Variants in SMAD9 observed in about 807,000 individuals in gnomAD.
The protein encoded by SMAD9 is MAD homolog 9.
A neutral mutation model predicts 46.1 loss-of-function variants in SMAD9; 36 were observed. The observed-to-expected ratio is 0.78, with a 90% CI of 0.60 to 1.03. The LOEUF is 1.03. SMAD9 is among the 50% of genes least tolerant of loss of function. SMAD9 has a pLI of 0.00. For missense variants in SMAD9, 572 were observed against 599.8 expected, an observed-to-expected ratio of 0.95 and a Z score of 0.48; for synonymous variants, 245 against 237.1, an observed-to-expected ratio of 1.03 and a Z score of -0.31.
At chr13:36,870,061 C>T (rs2058275960) in intron 3 of SMAD9, among the ~76,000 whole-genome samples, 1 of 152,134 alleles carries the variant, frequency 6.6e-6, no homozygotes, top group East Asian at 1.9e-4. Flanking sequence ...TGGCATTTTG[C>T]TGTTAATCAT....
intron 5 of SMAD9, among the ~76,000 whole-genome samples, chr13:36,860,177 CAT>C (rs2058166915): frequency 6.6e-6 from 1 of 152,168 alleles, no homozygotes; most frequent in South Asian, 2.1e-4. Context: ...TTTCCGGTAA[CAT>C]CTCTGCAAGG....
chr13:36,904,520 T>C (rs965598370), intron 1 of SMAD9, among the ~76,000 whole-genome samples: 2 of 152,190 alleles, frequency 1.3e-5, no homozygotes, highest in African/African-American at 4.8e-5. Context: ...TGCCACCTGC[T>C]TGGTCTTCAA....
At chr13:36,856,203 G>A (rs954618824) in intron 5 of SMAD9, among the ~76,000 whole-genome samples, 1 of 152,120 alleles carries the variant, frequency 6.6e-6, no homozygotes, top group East Asian at 1.9e-4. Flanking sequence ...GAGGGTGGGC[G>A]GAGGTTTTTT....
Position 36,848,448 on chromosome 13 carries a change from T to C in SMAD9, c.*228A>G. The C allele has an allele frequency of 1.8e-6, 1 of 562,168 alleles. No individual in the cohort carries two copies. The highest frequency in any genetic ancestry group is 2.1e-5 in the South Asian group (1 of 48,512). The allele number at this position is 562,168 out of a possible 1,614,324, so 34.8% of individuals were successfully genotyped here. ...CTCTCAAGTGTTTCCTCCCACAAAA[T>C]CTGCTGCTTATAGCACAGGCACCAA... is the stretch of plus-strand genomic sequence containing the variant. On this transcript the variant is annotated 3_prime_UTR_variant, in exon 7 of 7. Transcript: ENST00000379826.
At chr13:36,911,918 G>A (rs2058665216) in intron 1 of SMAD9, among the ~76,000 whole-genome samples, 1 of 152,114 alleles carries the variant, frequency 6.6e-6, no homozygotes, top group Non-Finnish European at 1.5e-5. Context: ...ATGTTGGTCA[G>A]GCTGGTCTTG....
At chr13:36,855,842 CTGAGCCAGGG>C (rs1242631661) in intron 5 of SMAD9, among the ~76,000 whole-genome samples, 3 of 152,208 alleles carry the variant, frequency 2.0e-5, no homozygotes, top group Admixed American at 1.3e-4. Context: ...TCTGAAGAAA[CTGAGCCAGGG>C]TCGCACAGCT....
chr13:36,873,218 A>C (rs1225778987), intron 2 of SMAD9, among the ~76,000 whole-genome samples: 2 of 152,180 alleles, frequency 1.3e-5, no homozygotes, highest in East Asian at 3.9e-4. Context: ...CAGCACTCTA[A>C]AGAGACCTGC....
chr13:36,857,521 G>A (rs192535054), intron 5 of SMAD9, among the ~76,000 whole-genome samples: 12 of 152,268 alleles, frequency 7.9e-5, no homozygotes, highest in Non-Finnish European at 1.8e-4. Context: ...GTCCTGTGTT[G>A]TGGTTAATGA....
intron 1 of SMAD9, among the ~76,000 whole-genome samples, chr13:36,880,647 C>A (rs932058545): frequency 6.6e-6 from 1 of 152,128 alleles, no homozygotes; most frequent in African/African-American, 2.4e-5. Context: ...CTCTCTTTTC[C>A]AATTACTTAT....
At chr13:36,861,236 A>T (rs2058178695) in intron 5 of SMAD9, among the ~76,000 whole-genome samples, 1 of 152,206 alleles carries the variant, frequency 6.6e-6, no homozygotes, top group African/African-American at 2.4e-5. Context: ...TTAAGTCACA[A>T]GGAATAAAAG....
chr13:36,910,996 GTAT>G (rs2058656644), intron 1 of SMAD9, among the ~76,000 whole-genome samples: 1 of 152,044 alleles, frequency 6.6e-6, no homozygotes, highest in African/African-American at 2.4e-5. Flanking sequence ...ATTAACTATT[GTAT>G]TATTAATATT....
Position 36,879,863 on chromosome 13 carries a change from A to G in SMAD9, c.-174T>C, listed in dbSNP as rs1245810577. On this transcript the variant is annotated 5_prime_UTR_variant, in exon 2 of 7. Transcript: ENST00000379826. ...TTGACTTTCTCCTAAGCCCTTGAAC[A>G]GGGTGGCCAACTCTGGAAAACACGA... is the stretch of plus-strand genomic sequence containing the variant. 3.1e-6 allele frequency: 2 copies of G among 645,256 alleles called. No individual in the cohort carries two copies. The highest frequency in any genetic ancestry group is 1.8e-5 in the African/African-American group (1 of 54,962). 40.0% of individuals were successfully genotyped at this position (645,256 alleles called of 1,614,324 possible). A position where few individuals can be genotyped will look rare whatever the true frequency, so the allele number is the denominator to read the frequency against.
In SMAD9 at chr13:36,902,985, G is replaced by A. The variant is rs114496535; in HGVS notation, c.-187+17131C>T. Among the ~76,000 whole-genome samples, 737 of 152,268 alleles carry A rather than the reference G, an allele frequency of 4.8e-3. 5 individuals are homozygous for A. Among genetic ancestry groups the A allele is most frequent in the African/African-American group, 0.016 (679 of 41,552 alleles). On this transcript the variant is annotated intron_variant, in intron 1 of 6. Coordinates refer to ENST00000379826, the MANE Select transcript of SMAD9 (RefSeq NM_001127217.3). ...AGTCATCCACAGCTGAAATAAGCGT[G>A]AGGATGGGAGTATAAGAAGCGTGGA... is the stretch of plus-strand genomic sequence containing the variant.
intron 3 of SMAD9, 119 bp downstream of exon 3, chr13:36,872,539 T>TA (rs1457666183): frequency 8.3e-7 from 1 of 1,206,586 alleles, no homozygotes; most frequent in South Asian, 1.3e-5. Flanking sequence ...GATTGCTTTG[T>TA]AAACTGTTTA....
intron 1 of SMAD9, among the ~76,000 whole-genome samples, chr13:36,881,689 A>G (rs1336544202): frequency 2.0e-5 from 3 of 152,218 alleles, no homozygotes; most frequent in Non-Finnish European, 4.4e-5. Context: ...ACTTACACTC[A>G]GTTTTATTTG....
chr13:36,879,664 G>A lies in SMAD9; in HGVS notation c.26C>T (p.Ser9Phe). Residue 9 changes from serine (S) to phenylalanine (F), a missense_variant, in exon 2 of 7, where the codon TCC (serine) becomes TTC (phenylalanine). Coordinates refer to ENST00000379826, the MANE Select transcript of SMAD9 (RefSeq NM_001127217.3). MHSTTPIS[S>F]LFSFTSPAVK... ...TGCGGGGCTGGTGAAGGAGAAGAGG[G>A]AGCTGATGGGGGTGGTGGAGTGCAT... is the stretch of plus-strand genomic sequence containing the variant. The A allele has an allele frequency of 1.9e-6, 3 of 1,614,198 alleles. No homozygotes were observed. The highest frequency in any genetic ancestry group is 1.1e-5 in the South Asian group (1 of 91,084).
chr13:36,874,618 A>G (rs537296847), intron 2 of SMAD9, among the ~76,000 whole-genome samples: 1 of 152,120 alleles, frequency 6.6e-6, no homozygotes, highest in African/African-American at 2.4e-5. Context: ...AGCACTTTGG[A>G]AGGCCAAGGC....
intron 1 of SMAD9, among the ~76,000 whole-genome samples, chr13:36,883,980 G>C (rs1292649106): frequency 6.6e-6 from 1 of 152,090 alleles, no homozygotes; most frequent in South Asian, 2.1e-4. Context: ...GTTTCTGAGC[G>C]ATGGGTCCAG....
At chr13:36,862,945 A>G (rs1018579549) in intron 5 of SMAD9, among the ~76,000 whole-genome samples, 4 of 152,202 alleles carry the variant, frequency 2.6e-5, no homozygotes, top group African/African-American at 9.7e-5. Flanking sequence ...CAATCCAGGA[A>G]GCCTGCTCAT....
Sources: gnomAD v4.1 joint callset for allele counts (sites outside exome capture counted in the v4.1 genomes callset) on GRCh38, gnomAD v4.1.1 for gene constraint, MANE v1.5 for transcripts, NCBI Gene and HGNC (gene_info 2026-07-23, HGNC 2026-07-21) for gene names.